KLHL29: variants seen among roughly 807,000 people sequenced by gnomAD.
KLHL29 encodes the protein kelch like family member 29, also known as kelch-like protein 29.
Under a neutral mutation model 80.4 loss-of-function variants are expected in KLHL29, and 21 were observed. The observed-to-expected ratio is 0.26, with a 90% CI of 0.19 to 0.38. The LOEUF is 0.38. KLHL29 is among the 10% of genes least tolerant of loss of function. KLHL29 has a pLI of 1.00. For missense variants in KLHL29, 867 were observed against 1,223.9 expected, an observed-to-expected ratio of 0.71 and a Z score of 4.35; for synonymous variants, 511 against 526.8, an observed-to-expected ratio of 0.97 and a Z score of 0.41.
At position 23,682,667 on chromosome 2, in the gene KLHL29, C is replaced by G. The variant is rs1401613993; in HGVS notation, c.941-1732C>G. ...CCACCTGCACCTGCCCCCTCGTGCTCCTGCACCCTCCCACACCCTCCCGCA... is the reference window on the plus strand; with the variant it reads ...CCACCTGCACCTGCCCCCTCGTGCTGCTGCACCCTCCCACACCCTCCCGCA... On this transcript the variant is annotated intron_variant, in intron 5 of 13. Coordinates refer to ENST00000486442, the MANE Select transcript of KLHL29 (RefSeq NM_052920.2). This position sits in a 1 kb window ranked among gnomAD's most constrained non-coding sequence, Gnocchi z 4.1. Among the ~76,000 whole-genome samples, 1 of 151,932 alleles carries G rather than the reference C, an allele frequency of 6.6e-6. No individual in the cohort carries two copies. Among genetic ancestry groups the G allele is most frequent in the South Asian group, 2.1e-4 (1 of 4,824 alleles).
rs1671127724 is a variant in KLHL29 at position 23,682,826 on chromosome 2, C to T, written c.941-1573C>T. On this transcript the variant is annotated intron_variant, in intron 5 of 13. Transcript: ENST00000486442. This position sits in a 1 kb window ranked among gnomAD's most constrained non-coding sequence, Gnocchi z 4.1. ...CCCAGCCAGAGCCCCCTTCCGCACC[C>T]CTGGAGATGCTCTGCTGTGACTCCA... Among the ~76,000 whole-genome samples, 1 of 152,196 alleles carries T rather than the reference C, an allele frequency of 6.6e-6. No individual in the cohort carries two copies. Among genetic ancestry groups the T allele is most frequent in the African/African-American group, 2.4e-5 (1 of 41,440 alleles).
chr2:23,482,228 G>A (rs1033739057), intron 2 of KLHL29, among the ~76,000 whole-genome samples: 6 of 152,216 alleles, frequency 3.9e-5, no homozygotes, highest in East Asian at 1.9e-4. Flanking sequence ...GCGCACAGCC[G>A]TCCAGTCTAG....
chr2:23,478,625 C>T (rs1220961207), intron 2 of KLHL29, among the ~76,000 whole-genome samples: 2 of 152,102 alleles, frequency 1.3e-5, no homozygotes, highest in African/African-American at 4.8e-5. Flanking sequence ...ACTCAGTTTG[C>T]GCAGAGCCCA....
intron 3 of KLHL29, among the ~76,000 whole-genome samples, chr2:23,574,877 A>G (rs1018014589): frequency 3.3e-5 from 5 of 152,142 alleles, no homozygotes; most frequent in Non-Finnish European, 5.9e-5. Flanking sequence ...AGCAGAACAG[A>G]AGCCCATCAG....
intron 2 of KLHL29, among the ~76,000 whole-genome samples, chr2:23,557,829 G>A (rs909732789): frequency 6.6e-6 from 1 of 152,158 alleles, no homozygotes; most frequent in Non-Finnish European, 1.5e-5. Flanking sequence ...TTGTAGGAAG[G>A]TAGGGACTGA....
At chr2:23,465,085 G>A (rs1664310977) in intron 1 of KLHL29, among the ~76,000 whole-genome samples, 2 of 152,222 alleles carry the variant, frequency 1.3e-5, no homozygotes, top group African/African-American at 4.8e-5. Flanking sequence ...ACAGATAGTA[G>A]ATGATCCCAT....
chr2:23,412,237 CA>C (rs1666883790), intron 1 of KLHL29, among the ~76,000 whole-genome samples: 1 of 151,706 alleles, frequency 6.6e-6, no homozygotes, highest in South Asian at 2.1e-4. Context: ...GTGGCCAGAT[CA>C]CGCCTAATAT....
rs184455424 is a variant in KLHL29 at position 23,695,931 on chromosome 2, G to A, written c.1742-20G>A. 4.0e-3 allele frequency: 6,122 copies of A among 1,548,962 alleles called. 21 individuals are homozygous for A. Among genetic ancestry groups the A allele is most frequent in the Middle Eastern group, 7.4e-3 (44 of 5,976 alleles). ...CAGTCTTAGAGTGTGTCCCAAGGGC[G>A]CCCATCCATGTCCCTGCAGGTGTGG... On this transcript the variant is annotated intron_variant, in intron 9 of 13. Coordinates refer to ENST00000486442, the MANE Select transcript of KLHL29 (RefSeq NM_052920.2). The surrounding 1 kb of genome is among the most constrained non-coding windows in gnomAD (Gnocchi z 7.6).
At chr2:23,544,731 A>T (rs548719736) in intron 2 of KLHL29, among the ~76,000 whole-genome samples, 1 of 152,150 alleles carries the variant, frequency 6.6e-6, no homozygotes. Flanking sequence ...GGCCGTGTGG[A>T]TAGTGGGGAG....
At chr2:23,497,042 G>A (rs1446134259) in intron 2 of KLHL29, among the ~76,000 whole-genome samples, 17 of 149,614 alleles carry the variant, frequency 1.1e-4, no homozygotes, top group African/African-American at 3.7e-4. Context: ...TAAGAATCAC[G>A]AGTTTCTCCT....
intron 3 of KLHL29, among the ~76,000 whole-genome samples, chr2:23,599,149 G>A (rs1399518242): frequency 1.3e-5 from 2 of 152,246 alleles, no homozygotes; most frequent in Non-Finnish European, 2.9e-5. Flanking sequence ...ATAAATGCAT[G>A]TCCCGCAGAA....
At chr2:23,602,442 C>T (rs1408505174) in intron 3 of KLHL29, among the ~76,000 whole-genome samples, 1 of 152,114 alleles carries the variant, frequency 6.6e-6, no homozygotes. Flanking sequence ...CACGTCCATC[C>T]CTACCCTGGA....
intron 1 of KLHL29, among the ~76,000 whole-genome samples, chr2:23,467,825 G>T (rs781185830): frequency 6.6e-6 from 1 of 152,106 alleles, no homozygotes; most frequent in Non-Finnish European, 1.5e-5. Flanking sequence ...TCGCTGACCA[G>T]TGTGAAACCA....
rs1488527552 is a variant in KLHL29 at position 23,596,391 on chromosome 2, G to A, written c.285+33910G>A. Among the ~76,000 whole-genome samples, 1 of 152,168 alleles carries A rather than the reference G, an allele frequency of 6.6e-6. No homozygotes were observed. Among genetic ancestry groups the A allele is most frequent in the African/African-American group, 2.4e-5 (1 of 41,430 alleles). On this transcript the variant is annotated intron_variant, in intron 3 of 13. Coordinates refer to ENST00000486442, the MANE Select transcript of KLHL29 (RefSeq NM_052920.2). The surrounding 1 kb of genome is among the most constrained non-coding windows in gnomAD (Gnocchi z 4.4). Reference sequence around the variant, plus strand: ...GTCTCTGTCTCCGAGCAGAGGTCTTGGTGTCCTGGTGGCTGCATCCCAGGG... The same window carrying A: ...GTCTCTGTCTCCGAGCAGAGGTCTTAGTGTCCTGGTGGCTGCATCCCAGGG...
chr2:23,598,334 T>A (rs544675171), intron 3 of KLHL29, among the ~76,000 whole-genome samples: 124 of 152,298 alleles, frequency 8.1e-4, no homozygotes, highest in Non-Finnish European at 8.8e-4. Flanking sequence ...GATGTTGAAG[T>A]CAGGTCCCAC....
Position 23,680,420 on chromosome 2 carries a change from C to A in KLHL29, c.941-3979C>A, listed in dbSNP as rs1671049925. Among the ~76,000 whole-genome samples the A allele has an allele frequency of 6.6e-6, 1 of 152,204 alleles. No individual in the cohort carries two copies. The highest frequency in any genetic ancestry group is 2.1e-4 in the South Asian group (1 of 4,832). The stretch of plus-strand genomic sequence containing the variant: ...CAAAAATCTGAGCATGGGGAAGCCA[C>A]TTCCGTGAGCAAGGCCAGGGTGTGC... On this transcript the variant is annotated intron_variant, in intron 5 of 13. Transcript: ENST00000486442. The surrounding 1 kb of genome is among the most constrained non-coding windows in gnomAD (Gnocchi z 4.1).
At chr2:23,588,324 AC>A (rs976959787) in intron 3 of KLHL29, among the ~76,000 whole-genome samples, 1 of 151,898 alleles carries the variant, frequency 6.6e-6, no homozygotes, top group Non-Finnish European at 1.5e-5. Context: ...AGGCCTCAGC[AC>A]CCCTCACCAG....
intron 4 of KLHL29, among the ~76,000 whole-genome samples, chr2:23,640,984 G>A (rs11695387): frequency 0.095 from 14,399 of 152,114 alleles, 1,682 homozygotes; most frequent in East Asian, 0.45. Flanking sequence ...TCTATCCTGT[G>A]GGGCTTGTGG....
intron 1 of KLHL29, among the ~76,000 whole-genome samples, chr2:23,392,620 T>C (rs1236320378): frequency 6.6e-6 from 1 of 152,220 alleles, no homozygotes; most frequent in Non-Finnish European, 1.5e-5. Flanking sequence ...ATTTTACAAA[T>C]GAAGATGAGG....
Sources: allele counts gnomAD v4.1 joint callset (sites outside exome capture counted in the v4.1 genomes callset), GRCh38; gene constraint gnomAD v4.1.1; non-coding constraint Gnocchi (gnomAD v3.1); transcripts MANE v1.5; gene names NCBI Gene and HGNC (gene_info 2026-07-23, HGNC 2026-07-21).